The following DIP2A variants were observed in gnomAD, a reference collection of about 807,000 sequenced individuals.
DIP2A encodes the protein DIP2 acetate--CoA ligase A.
A neutral mutation model predicts 177.4 loss-of-function variants in DIP2A; 85 were observed. The observed-to-expected ratio is 0.48, with a 90% confidence interval of 0.40 to 0.57. The LOEUF (loss-of-function observed/expected upper bound fraction) is 0.57. Ranked by LOEUF, DIP2A falls within the 20% of genes least tolerant of loss-of-function variation. The pLI is 0.00. For missense variants in DIP2A, 1,791 were observed against 2,100.2 expected (o/e 0.85, Z 2.88); for synonymous variants, 886 against 881.8 (o/e 1.00, Z -0.08).
downstream of DIP2A, among the ~76,000 whole-genome samples, chr21:46,574,285 A>G (rs369463099): frequency 6.6e-6 from 1 of 152,178 alleles, no homozygotes; most frequent in African/African-American, 2.4e-5. Flanking sequence ...ATTAGAAAAT[A>G]CTTGGAAATA....
chr21:46,496,513 G>T (rs903853580), intron 3 of DIP2A, among the ~76,000 whole-genome samples: 3 of 152,138 alleles, frequency 2.0e-5, no homozygotes, highest in Non-Finnish European at 2.9e-5. Context: ...GTTGGAAGAA[G>T]AATAATTATC....
chr21:46,547,428 GC>G (rs2060097821), intron 21 of DIP2A, among the ~76,000 whole-genome samples: 1 of 152,114 alleles, frequency 6.6e-6, no homozygotes, highest in Non-Finnish European at 1.5e-5. Context: ...ACCCTCCATT[GC>G]CTCTGGAATA....
At chr21:46,463,117 C>T (rs1445231420) in intron 1 of DIP2A, 1 of 152,236 alleles carries the variant, frequency 6.6e-6, no homozygotes, top group Non-Finnish European at 1.5e-5. Flanking sequence ...CATGGAACCC[C>T]ACTCTTCTTA....
intron 17 of DIP2A, 48 bp downstream of exon 17, chr21:46,540,039 TG>T: frequency 6.8e-7 from 1 of 1,472,212 alleles, no homozygotes; most frequent in Non-Finnish European, 9.5e-7. Context: ...TTGAATCTTC[TG>T]CATACAGCTG....
intron 18 of DIP2A, among the ~76,000 whole-genome samples, chr21:46,542,944 T>C (rs2059878530): frequency 6.6e-6 from 1 of 152,248 alleles, no homozygotes; most frequent in Non-Finnish European, 1.5e-5. Flanking sequence ...TGGGTGGTGC[T>C]GGCAGCCCAG....
intron 22 of DIP2A, 104 bp downstream of exon 22, chr21:46,549,989 G>C: frequency 6.4e-7 from 1 of 1,556,388 alleles, no homozygotes; most frequent in South Asian, 1.2e-5. Context: ...GGTCCTCCCT[G>C]GCTCCAGCTT....
intron 1 of DIP2A, among the ~76,000 whole-genome samples, chr21:46,467,172 T>C (rs1209405405): frequency 6.6e-6 from 1 of 151,692 alleles, no homozygotes; most frequent in East Asian, 2.0e-4. Flanking sequence ...GGTGGGTGCC[T>C]GTAGTCCCAG....
Position 46,459,119 on chromosome 21 carries a change from A to G in DIP2A, c.-13A>G, listed in dbSNP as rs2054036562. 6.7e-7 allele frequency: 1 copy of G among 1,483,814 alleles called. No individual in the cohort carries two copies. The highest frequency in any genetic ancestry group is 1.3e-5 in the South Asian group (1 of 76,426). 91.9% of individuals were successfully genotyped at this position (1,483,814 alleles called of 1,614,324 possible). On this transcript the variant is annotated 5_prime_UTR_variant, in exon 1 of 38. Transcript: ENST00000417564. ...CGGTTCCAGCCTCTGCCCGGACGCT[A>G]GCCGGCCTGGCCATGGCTGACCGCG...
intron 6 of DIP2A, among the ~76,000 whole-genome samples, chr21:46,504,764 C>T (rs2839299): frequency 0.27 from 41,129 of 152,044 alleles, 5,939 homozygotes; most frequent in East Asian, 0.35. Flanking sequence ...AAGGGCGTTT[C>T]GATCTGCAAT....
At chr21:46,480,515 C>G (rs568975199) in intron 1 of DIP2A, among the ~76,000 whole-genome samples, 2 of 152,226 alleles carry the variant, frequency 1.3e-5, no homozygotes, top group African/African-American at 4.8e-5. Flanking sequence ...TGCTCTGTGT[C>G]GGCACCTCCA....
At position 46,496,975 on chromosome 21, in the gene DIP2A, C is replaced by G. The variant is rs545767339; in HGVS notation, c.284-13C>G. 76 of 1,601,784 alleles carry G rather than the reference C, an allele frequency of 4.7e-5. 2 individuals carry two copies. The South Asian group carries it at 8.6e-4, about 18-fold the overall frequency. On this transcript the variant is annotated splice_polypyrimidine_tract_variant and intron_variant, in intron 3 of 37. Transcript: ENST00000417564. ...TTGTAAAAAGTATTTTTACTGCTGT[C>G]CTTCCTGTGTAGATGTCCACACTGA...
chr21:46,578,384 A>G, the DIP2A span, among the ~76,000 whole-genome samples: 1 of 152,230 alleles, frequency 6.6e-6, no homozygotes, highest in Non-Finnish European at 1.5e-5. Context: ...TTCTGGATAT[A>G]GGATCATGTC....
chr21:46,477,845 A>G (rs11700510), intron 1 of DIP2A, among the ~76,000 whole-genome samples: 53,218 of 151,562 alleles, frequency 0.35, 9,697 homozygotes, highest in Middle Eastern at 0.45. Context: ...TGGCCTCCCA[A>G]AGTGTTGGGA....
chr21:46,513,376 C>G (rs2058401003), intron 8 of DIP2A, among the ~76,000 whole-genome samples: 1 of 152,146 alleles, frequency 6.6e-6, no homozygotes, highest in Non-Finnish European at 1.5e-5. Flanking sequence ...CCCCAAAGTA[C>G]TGCAGTGTTA....
At chr21:46,467,829 C>T (rs554388709) in intron 1 of DIP2A, among the ~76,000 whole-genome samples, 1 of 151,922 alleles carries the variant, frequency 6.6e-6, no homozygotes, top group Non-Finnish European at 1.5e-5. Context: ...AATATCAATG[C>T]CAGCTGGGCC....
intron 18 of DIP2A, among the ~76,000 whole-genome samples, chr21:46,544,279 G>A (rs1473376647): frequency 3.3e-5 from 5 of 152,078 alleles, no homozygotes; most frequent in East Asian, 1.9e-4. Context: ...CTGAGACATC[G>A]TGCTCCATGA....
In DIP2A at chr21:46,537,424, A is replaced by G. The variant is rs780736154; in HGVS notation, c.1708-22A>G. ...GGTGTGGCTCGGGCCCACTCGCCCT[A>G]AGCATGTGTGCTCCCCCACAGAGCG... is the stretch of plus-strand genomic sequence containing the variant. On this transcript the variant is annotated intron_variant, in intron 14 of 37. Transcript: ENST00000417564. This position sits in a 1 kb window ranked among gnomAD's most constrained non-coding sequence, Gnocchi z 4.1. 2.8e-5 allele frequency: 45 copies of G among 1,613,232 alleles called. No homozygotes were observed. Among genetic ancestry groups the G allele is most frequent in the Middle Eastern group, 1.7e-4 (1 of 6,056 alleles).
At chr21:46,509,173 G>A in intron 6 of DIP2A, 84 bp from the exon 7 acceptor site, 2 of 1,411,058 alleles carry the variant, frequency 1.4e-6, no homozygotes, top group South Asian at 3.4e-5. Flanking sequence ...GATGCATCGT[G>A]TGGTTTGTCC....
At chr21:46,558,104 G>T in intron 31 of DIP2A, 119 bp from the exon 32 acceptor site, 1 of 1,023,104 alleles carries the variant, frequency 9.8e-7, no homozygotes, top group Non-Finnish European at 1.4e-6. Context: ...CCTGCGGAGA[G>T]GAGGTTGGTG....
Sources: gnomAD v4.1 joint callset for allele counts (sites outside exome capture counted in the v4.1 genomes callset) on GRCh38, gnomAD v4.1.1 for gene constraint, Gnocchi (gnomAD v3.1) non-coding constraint, MANE v1.5 for transcripts, NCBI Gene and HGNC (gene_info 2026-07-23, HGNC 2026-07-21) for gene names.